The following PID1 variants were observed in gnomAD, a reference collection of about 807,000 sequenced individuals.
PID1 encodes phosphotyrosine interaction domain containing 1, also known as PTB-containing, cubilin and LRP1-interacting protein.
PID1 carries 10 observed loss-of-function variants against 19.1 expected under a neutral mutation model. That is an observed-to-expected ratio of 0.52 (90% CI 0.32 to 0.89). The LOEUF (loss-of-function observed/expected upper bound fraction) is 0.89, where lower values mean the gene tolerates loss of function less well. Ranked by LOEUF, PID1 falls within the 40% of genes least tolerant of loss-of-function variation. The pLI, the probability that PID1 is intolerant of heterozygous loss-of-function variation, is 0.03. For missense variants in PID1, 248 were observed against 285.3 expected (o/e 0.87, Z 0.94); for synonymous variants, 130 against 116.0 (o/e 1.12, Z -0.78).
At chr2:229,047,318 T>C (rs1041346109) in intron 2 of PID1, among the ~76,000 whole-genome samples, 2 of 152,104 alleles carry the variant, frequency 1.3e-5, no homozygotes, top group African/African-American at 4.8e-5. Context: ...GCAAAAGGAA[T>C]TTACACCCAG....
At chr2:229,131,225 T>C (rs116515439) in intron 2 of PID1, among the ~76,000 whole-genome samples, 9,514 of 151,856 alleles carry the variant, frequency 0.063, 319 homozygotes, top group South Asian at 0.13. Flanking sequence ...TCTTTTCTCT[T>C]TTCTTTTCTT....
chr2:229,254,198 T>C (rs1389398777), intron 1 of PID1, among the ~76,000 whole-genome samples: 1 of 152,144 alleles, frequency 6.6e-6, no homozygotes, highest in African/African-American at 2.4e-5. Context: ...GGAGTCTCCC[T>C]ACTGAAGAGG....
At chr2:229,195,524 C>T (rs1371157507) in intron 1 of PID1, among the ~76,000 whole-genome samples, 1 of 151,800 alleles carries the variant, frequency 6.6e-6, no homozygotes, top group Non-Finnish European at 1.5e-5. Flanking sequence ...GGATACTGTG[C>T]ACGATGTTCC....
intron 1 of PID1, among the ~76,000 whole-genome samples, chr2:229,213,099 C>G (rs146203051): frequency 1.1e-3 from 170 of 152,280 alleles, no homozygotes; most frequent in African/African-American, 3.7e-3. Context: ...AGTTGAGGAA[C>G]AGGTCAGGCC....
chr2:229,183,835 T>G, intron 1 of PID1, among the ~76,000 whole-genome samples: 1 of 150,884 alleles, frequency 6.6e-6, no homozygotes, highest in African/African-American at 2.4e-5. Context: ...CAATTCCTTA[T>G]AATAAATCTC....
At chr2:229,270,125 G>A (rs1166615660) in intron 1 of PID1, among the ~76,000 whole-genome samples, 1 of 152,202 alleles carries the variant, frequency 6.6e-6, no homozygotes, top group African/African-American at 2.4e-5. Flanking sequence ...AGTTAAACAC[G>A]TCTTCAAAGT....
intron 1 of PID1, among the ~76,000 whole-genome samples, chr2:229,201,652 T>C (rs970975236): frequency 2.0e-5 from 3 of 152,076 alleles, no homozygotes; most frequent in East Asian, 1.9e-4. Context: ...AGATGTGAAA[T>C]TGCCGGATCA....
At chr2:229,035,945 T>C (rs952377654) in intron 2 of PID1, among the ~76,000 whole-genome samples, 4 of 152,152 alleles carry the variant, frequency 2.6e-5, no homozygotes, top group Admixed American at 1.3e-4. Flanking sequence ...GCATCAATCA[T>C]TGAAAGAAAA....
intron 2 of PID1, among the ~76,000 whole-genome samples, chr2:229,101,378 G>A (rs1224819854): frequency 1.3e-5 from 2 of 152,128 alleles, no homozygotes; most frequent in Admixed American, 6.5e-5. Flanking sequence ...ATACTTTCTT[G>A]TAAGCAACCT....
chr2:229,139,146 A>AAAGAAAGAAAGAAAGCAAGCAAGC (rs1293626727), intron 2 of PID1, among the ~76,000 whole-genome samples: 3 of 108,974 alleles, frequency 2.8e-5, no homozygotes, highest in South Asian at 4.5e-4. Flanking sequence ...AGAAAGAAAG[A>AAAGAAAGAAAGAAAGCAAGCAAGC]AAGCAAGCGA....
At chr2:229,269,648 C>T (rs1574773273) in intron 1 of PID1, among the ~76,000 whole-genome samples, 2 of 152,354 alleles carry the variant, frequency 1.3e-5, no homozygotes, top group South Asian at 2.1e-4. Context: ...AAATGCGCCA[C>T]TGGTATCTGG....
intron 2 of PID1, among the ~76,000 whole-genome samples, chr2:229,090,460 A>C (rs111559406): frequency 2.5e-4 from 38 of 152,290 alleles, no homozygotes; most frequent in African/African-American, 8.9e-4. Flanking sequence ...CTGGAAGGTC[A>C]TGAGAGTCAG....
At chr2:229,112,866 A>G (rs558253140) in intron 2 of PID1, among the ~76,000 whole-genome samples, 80 of 152,242 alleles carry the variant, frequency 5.3e-4, no homozygotes, top group Non-Finnish European at 2.4e-4. Flanking sequence ...AAACCCTAAA[A>G]TCAGCTCACA....
intron 2 of PID1, among the ~76,000 whole-genome samples, chr2:229,071,511 T>C (rs1346803663): frequency 6.6e-6 from 1 of 152,198 alleles, no homozygotes; most frequent in Non-Finnish European, 1.5e-5. Context: ...ATTATCCCAA[T>C]TTACAAATAG....
chr2:229,201,324 A>G lies in PID1; in HGVS notation c.31-45360T>C, dbSNP rs569366503. Among the ~76,000 whole-genome samples, 11 of 152,120 alleles carry G rather than the reference A, an allele frequency of 7.2e-5. 1 individual carries two copies. In the South Asian group the frequency reaches 2.3e-3, roughly 32 times the overall value. On this transcript the variant is annotated intron_variant, in intron 1 of 2. Transcript: ENST00000392055. ...TCCTAACACCATCATTCCGCTTTCTATCTTTAGGCTTTTGACCACTGTAAG... is the reference window on the plus strand; with the variant it reads ...TCCTAACACCATCATTCCGCTTTCTGTCTTTAGGCTTTTGACCACTGTAAG...
At chr2:229,077,766 C>T (rs1007086018) in intron 2 of PID1, among the ~76,000 whole-genome samples, 9 of 152,136 alleles carry the variant, frequency 5.9e-5, no homozygotes, top group African/African-American at 1.7e-4. Flanking sequence ...GTACCAGTAC[C>T]ATGCCATTTT....
chr2:229,169,375 T>G (rs761731687), intron 1 of PID1, among the ~76,000 whole-genome samples: 1 of 152,168 alleles, frequency 6.6e-6, no homozygotes, highest in Non-Finnish European at 1.5e-5. Flanking sequence ...TATGATTGTA[T>G]AAATTATCTA....
intron 1 of PID1, among the ~76,000 whole-genome samples, chr2:229,191,671 T>C (rs1691262721): frequency 6.6e-6 from 1 of 152,190 alleles, no homozygotes; most frequent in Non-Finnish European, 1.5e-5. Context: ...ATTAACAGGT[T>C]CAAAGCACCA....
At chr2:229,255,254 T>C (rs1183876574) in intron 1 of PID1, among the ~76,000 whole-genome samples, 1 of 152,178 alleles carries the variant, frequency 6.6e-6, no homozygotes, top group African/African-American at 2.4e-5. Flanking sequence ...CTCAAGCCAC[T>C]GTGTGAGTCG....
Sources: allele counts gnomAD v4.1 joint callset (sites outside exome capture counted in the v4.1 genomes callset), GRCh38; gene constraint gnomAD v4.1.1; transcripts MANE v1.5; gene names NCBI Gene and HGNC (gene_info 2026-07-23, HGNC 2026-07-21).